Variants in FER observed in about 807,000 individuals in gnomAD.
FER encodes tyrosine-protein kinase Fer.
Under a neutral mutation model 111.0 loss-of-function variants are expected in FER, and 63 were observed. That is an observed-to-expected ratio of 0.57 (90% confidence interval 0.46 to 0.70). The LOEUF (loss-of-function observed/expected upper bound fraction) is 0.70. Among genes scored for constraint, FER ranks in the 30% least tolerant of loss-of-function variants. FER has a pLI of 0.00. For synonymous variants in FER, 327 were observed against 313.9 expected (o/e 1.04, Z -0.44); for missense variants, 914 against 954.0 (o/e 0.96, Z 0.55).
chr5:108,888,358 G>T (rs1052536774), intron 9 of FER, among the ~76,000 whole-genome samples: 9 of 151,870 alleles, frequency 5.9e-5, no homozygotes, highest in Non-Finnish European at 1.2e-4. Context: ...ACACTTTTGT[G>T]GAGGAAACCA....
intron 17 of FER, among the ~76,000 whole-genome samples, chr5:109,123,373 G>A (rs575750694): frequency 9.9e-5 from 15 of 151,758 alleles, no homozygotes; most frequent in Non-Finnish European, 2.2e-4. Context: ...AGCCGGGATG[G>A]TCTCGATCTC....
chr5:109,100,103 A>G (rs1482329008), intron 16 of FER, among the ~76,000 whole-genome samples: 1 of 151,838 alleles, frequency 6.6e-6, no homozygotes, highest in Non-Finnish European at 1.5e-5. Context: ...TGGTAAAAAC[A>G]GTGATAAAGG....
intron 17 of FER, among the ~76,000 whole-genome samples, chr5:109,131,949 G>A (rs2126579003): frequency 6.6e-6 from 1 of 152,222 alleles, no homozygotes; most frequent in South Asian, 2.1e-4. Context: ...TTTGCTACTT[G>A]TCCAGCATCT....
chr5:108,910,066 A>G (rs946566229), intron 10 of FER, among the ~76,000 whole-genome samples: 11 of 152,216 alleles, frequency 7.2e-5, no homozygotes, highest in Middle Eastern at 3.4e-3. Context: ...GTTTGTAAAT[A>G]TATAAGTAGA....
chr5:109,079,695 A>G (rs1776764315), intron 16 of FER, among the ~76,000 whole-genome samples: 1 of 152,098 alleles, frequency 6.6e-6, no homozygotes, highest in South Asian at 2.1e-4. Context: ...AGGAAATGAT[A>G]CCCAGGAAAG....
At chr5:108,786,583 C>T (rs1330918651) in intron 2 of FER, among the ~76,000 whole-genome samples, 1 of 152,166 alleles carries the variant, frequency 6.6e-6, no homozygotes, top group Non-Finnish European at 1.5e-5. Flanking sequence ...TCACTGCAAG[C>T]TCTGCCTCCC....
In FER at chr5:109,147,796, TATATAGAGAGAGAGAGAG is replaced by T. The variant is rs1410514042; in HGVS notation, c.2049-32949_2049-32932del. Among the ~76,000 whole-genome samples the T allele has an allele frequency of 2.7e-3, 315 of 118,044 alleles. 3 individuals are homozygous for T. In the South Asian group the frequency reaches 0.029, roughly 11 times the overall value. 77.4% of individuals were successfully genotyped at this position (118,044 alleles called of 152,430 possible). ...ACACACATACATATATATATATATA[TATATAGAGAGAGAGAGAG>T]AGAGAGAGAGAGACAGAGACAGAGA... On this transcript the variant is annotated intron_variant, in intron 17 of 19. Transcript: ENST00000281092.
At position 108,897,717 on chromosome 5, in the gene FER, C is replaced by T; in HGVS notation, c.1105C>T (p.Gln369Ter). The T allele has an allele frequency of 6.2e-7, 1 of 1,613,136 alleles. No homozygotes were observed. Among genetic ancestry groups the T allele is most frequent in the Non-Finnish European group, 8.5e-7 (1 of 1,179,500 alleles). Reference sequence around the variant, plus strand: ...TGAAGAACTGAAACAGTCAGTCCAGCAGCTGAGATGCACTGAAGCAAAGTT... The same window carrying T: ...TGAAGAACTGAAACAGTCAGTCCAGTAGCTGAGATGCACTGAAGCAAAGTT... ...ALEELKQSVQ[Q>*]LRCTEAKFSA... Residue 369 changes from glutamine to a stop codon, truncating the protein, a stop_gained, in exon 10 of 20, where the codon CAG becomes TAG. Coordinates refer to ENST00000281092, the MANE Select transcript of FER (RefSeq NM_005246.4). LOFTEE classifies it high-confidence loss of function.
chr5:109,123,128 TC>T (rs1488510051), intron 17 of FER, among the ~76,000 whole-genome samples: 1 of 150,974 alleles, frequency 6.6e-6, no homozygotes, highest in African/African-American at 2.4e-5. Flanking sequence ...TGTTTTGTGG[TC>T]CCCTCTTATT....
At chr5:109,142,650 T>C (rs1753653194) in intron 17 of FER, among the ~76,000 whole-genome samples, 1 of 152,078 alleles carries the variant, frequency 6.6e-6, no homozygotes, top group African/African-American at 2.4e-5. Context: ...GTATATGGTA[T>C]GGTTTGCAGG....
chr5:108,792,863 AT>A (rs1259096618), intron 2 of FER, among the ~76,000 whole-genome samples: 1 of 151,690 alleles, frequency 6.6e-6, no homozygotes, highest in Non-Finnish European at 1.5e-5. Flanking sequence ...ACTATTACTT[AT>A]TTTTTGTTTA....
intron 16 of FER, among the ~76,000 whole-genome samples, chr5:109,078,978 A>G (rs1479964500): frequency 1.3e-5 from 2 of 152,082 alleles, no homozygotes; most frequent in Non-Finnish European, 2.9e-5. Context: ...ATTCACTTCT[A>G]TTTGTTCTCG....
At chr5:109,095,327 A>G (rs555736273) in intron 16 of FER, among the ~76,000 whole-genome samples, 4 of 152,114 alleles carry the variant, frequency 2.6e-5, no homozygotes, top group South Asian at 4.1e-4. Context: ...TTAGTATTTA[A>G]TCTTCCTCAT....
chr5:109,014,096 A>G (rs1766695832), intron 13 of FER, among the ~76,000 whole-genome samples: 3 of 150,278 alleles, frequency 2.0e-5, no homozygotes, highest in Admixed American at 6.6e-5. Context: ...ATTAGATCCC[A>G]TTTGTCAATT....
chr5:108,775,283 T>C (rs1247297484), intron 2 of FER, among the ~76,000 whole-genome samples: 1 of 152,186 alleles, frequency 6.6e-6, no homozygotes, highest in African/African-American at 2.4e-5. Flanking sequence ...CATGAATGAA[T>C]TTTGAATGAA....
intron 9 of FER, chr5:108,894,259 C>A (rs938060928): frequency 5.1e-5 from 21 of 412,608 alleles, no homozygotes; most frequent in Admixed American, 2.3e-4. Flanking sequence ...ACAAACAAAA[C>A]CTCTTCAAGT....
intron 16 of FER, among the ~76,000 whole-genome samples, chr5:109,055,971 G>C (rs566629632): frequency 6.6e-6 from 1 of 151,884 alleles, no homozygotes; most frequent in Admixed American, 6.6e-5. Context: ...ACAGATATAC[G>C]ATAGGTGCTC....
At chr5:109,126,438 A>T (rs1197769834) in intron 17 of FER, among the ~76,000 whole-genome samples, 1 of 152,226 alleles carries the variant, frequency 6.6e-6, no homozygotes, top group African/African-American at 2.4e-5. Flanking sequence ...AAGTTCTTGG[A>T]AGAAAAAGAA....
chr5:109,017,962 T>G (rs967588804), intron 13 of FER, among the ~76,000 whole-genome samples: 2 of 151,910 alleles, frequency 1.3e-5, no homozygotes, highest in Non-Finnish European at 2.9e-5. Context: ...GTTTTCATTT[T>G]CTCTATAGAT....
Sources: gnomAD v4.1 joint callset for allele counts (sites outside exome capture counted in the v4.1 genomes callset) on GRCh38, gnomAD v4.1.1 for gene constraint, MANE v1.5 for transcripts, NCBI Gene and HGNC (gene_info 2026-07-23, HGNC 2026-07-21) for gene names.